Variants in LPGAT1 observed in about 807,000 individuals in gnomAD.
LPGAT1 encodes the protein lysophosphatidylglycerol acyltransferase 1, also known as acyl-CoA:lysophosphatidylglycerol acyltransferase 1.
LPGAT1 carries 11 observed loss-of-function variants against 47.5 expected under a neutral mutation model. The ratio of observed to expected loss-of-function variants is 0.23; its 90% CI spans 0.15 to 0.38. LPGAT1 has a LOEUF of 0.38. Among genes scored for constraint, LPGAT1 ranks in the 10% least tolerant of loss-of-function variants. The pLI, the probability that LPGAT1 is intolerant of heterozygous loss-of-function variation, is 1.00. For missense variants in LPGAT1, 293 were observed against 439.0 expected, an observed-to-expected ratio of 0.67 and a Z score of 2.97; for synonymous variants, 138 against 144.2, an observed-to-expected ratio of 0.96 and a Z score of 0.31.
chr1:211,826,172 C>A (rs921879858), intron 2 of LPGAT1, among the ~76,000 whole-genome samples: 1 of 152,118 alleles, frequency 6.6e-6, no homozygotes, highest in Non-Finnish European at 1.5e-5. Flanking sequence ...CATTTAAGTT[C>A]TTGGGCTTAC....
chr1:211,776,362 C>T (rs540051274), intron 6 of LPGAT1, among the ~76,000 whole-genome samples: 22 of 152,202 alleles, frequency 1.4e-4, no homozygotes, highest in African/African-American at 5.1e-4. Flanking sequence ...CATGGTGAAA[C>T]CCAGCCTCTA....
At chr1:211,811,818 T>C (rs969425922) in intron 2 of LPGAT1, among the ~76,000 whole-genome samples, 10 of 87,002 alleles carry the variant, frequency 1.1e-4, no homozygotes, top group Middle Eastern at 6.4e-3. Flanking sequence ...ATCCCGCCAC[T>C]GCACTCCAGC....
At chr1:211,780,670 T>C (rs1658604580) in intron 5 of LPGAT1, among the ~76,000 whole-genome samples, 1 of 152,168 alleles carries the variant, frequency 6.6e-6, no homozygotes, top group African/African-American at 2.4e-5. Flanking sequence ...AATAACATAT[T>C]GCTAAATCAA....
Position 211,774,839 on chromosome 1 carries a change from G to A in LPGAT1, c.854+4079C>T, listed in dbSNP as rs1393822263. Among the ~76,000 whole-genome samples, 4 of 152,156 alleles carry A rather than the reference G, an allele frequency of 2.6e-5. No individual in the cohort carries two copies. In the East Asian group the frequency reaches 5.8e-4, roughly 22 times the overall value. The stretch of plus-strand genomic sequence containing the variant: ...ATTGGAAGAAATAAACAGTTTCAGA[G>A]TATTTAAAATAAGTTATTACATTCT... On this transcript the variant is annotated intron_variant, in intron 6 of 7. Transcript: ENST00000366997.
At chr1:211,759,298 GT>G (rs145922850) in intron 6 of LPGAT1, among the ~76,000 whole-genome samples, 17,383 of 152,074 alleles carry the variant, frequency 0.11, 1,155 homozygotes, top group South Asian at 0.21. Flanking sequence ...GGGTCTTGCT[GT>G]TGTTGCCCAG....
intron 2 of LPGAT1, among the ~76,000 whole-genome samples, chr1:211,800,045 T>C (rs994459039): frequency 5.9e-5 from 9 of 151,950 alleles, no homozygotes; most frequent in African/African-American, 2.2e-4. Context: ...TTTATTATTA[T>C]TATTATTGAG....
intron 6 of LPGAT1, among the ~76,000 whole-genome samples, chr1:211,751,895 G>T (rs981759764): frequency 4.6e-5 from 7 of 151,936 alleles, no homozygotes; most frequent in African/African-American, 1.7e-4. Flanking sequence ...ACCTCTTTTA[G>T]CTGATTATCT....
chr1:211,808,627 T>C (rs1441302747), intron 2 of LPGAT1, among the ~76,000 whole-genome samples: 3 of 152,186 alleles, frequency 2.0e-5, no homozygotes, highest in Non-Finnish European at 4.4e-5. Flanking sequence ...TGATGGAATG[T>C]AAGATGGTAT....
intron 2 of LPGAT1, among the ~76,000 whole-genome samples, chr1:211,815,773 CTTTTTT>C (rs938719098): frequency 2.9e-5 from 3 of 101,846 alleles, no homozygotes; most frequent in Non-Finnish European, 6.0e-5. Flanking sequence ...AAATGCTTTT[CTTTTTT>C]TTTTTTTTTT....
At chr1:211,779,584 C>T (rs1224506121) in intron 5 of LPGAT1, among the ~76,000 whole-genome samples, 1 of 152,176 alleles carries the variant, frequency 6.6e-6, no homozygotes, top group East Asian at 1.9e-4. Context: ...GGTGCAGTAG[C>T]TCACGCCTAT....
chr1:211,774,253 G>C (rs71640032), intron 6 of LPGAT1, among the ~76,000 whole-genome samples: 1 of 142,100 alleles, frequency 7.0e-6, no homozygotes, highest in East Asian at 2.1e-4. Context: ...TCCCGTCTCA[G>C]ACTCCTGAGT....
chr1:211,823,760 A>G (rs537365642), intron 2 of LPGAT1, among the ~76,000 whole-genome samples: 7 of 152,206 alleles, frequency 4.6e-5, no homozygotes, highest in Non-Finnish European at 2.9e-5. Flanking sequence ...CAACAGCAAG[A>G]TCTCATCCCT....
At chr1:211,794,729 C>T (rs1043998193) in intron 2 of LPGAT1, among the ~76,000 whole-genome samples, 4 of 152,160 alleles carry the variant, frequency 2.6e-5, no homozygotes, top group Admixed American at 6.5e-5. Context: ...ATTCTTTACC[C>T]TAACCTTATC....
intron 6 of LPGAT1, among the ~76,000 whole-genome samples, chr1:211,758,195 A>C (rs1376763655): frequency 6.6e-6 from 1 of 152,216 alleles, no homozygotes; most frequent in Non-Finnish European, 1.5e-5. Context: ...TTTTCTAAGA[A>C]GTTTCCAGGT....
chr1:211,813,121 A>C (rs577698615), intron 2 of LPGAT1, among the ~76,000 whole-genome samples: 8 of 152,336 alleles, frequency 5.3e-5, no homozygotes, highest in African/African-American at 1.9e-4. Context: ...TTTTTAAACG[A>C]GCAAAACAAG....
intron 2 of LPGAT1, among the ~76,000 whole-genome samples, chr1:211,809,734 C>T (rs556472590): frequency 5.9e-5 from 9 of 152,304 alleles, no homozygotes; most frequent in Middle Eastern, 6.8e-3. Context: ...GCTCCTCATT[C>T]ACTTTCCACC....
At position 211,770,531 on chromosome 1, in the gene LPGAT1, G is replaced by A. The variant is rs115232507; in HGVS notation, c.854+8387C>T. 5.0e-3 allele frequency among the ~76,000 whole-genome samples: 768 copies of A among 152,268 alleles called. 11 individuals carry two copies. Among genetic ancestry groups the A allele is most frequent in the Non-Finnish European group, 4.6e-3 (316 of 68,014 alleles). ...TGTGCCACATGACATTTCAGTCAAC[G>A]ACGGACTGCATATATGACAATGGTT... On this transcript the variant is annotated intron_variant, in intron 6 of 7. Coordinates refer to ENST00000366997, the MANE Select transcript of LPGAT1 (RefSeq NM_014873.3).
At chr1:211,825,159 T>G (rs1660503959) in intron 2 of LPGAT1, among the ~76,000 whole-genome samples, 3 of 150,344 alleles carry the variant, frequency 2.0e-5, no homozygotes, top group African/African-American at 7.3e-5. Flanking sequence ...TAACAGTAAA[T>G]ATTTTTAAAG....
In LPGAT1 at chr1:211,747,310, A is replaced by G. The variant is rs921869696; in HGVS notation, c.*2589T>C. 6.6e-6 allele frequency: 1 copy of G among 152,206 alleles called. No individual in the cohort carries two copies. Among genetic ancestry groups the G allele is most frequent in the Non-Finnish European group, 1.5e-5 (1 of 68,032 alleles). 9.4% of individuals were successfully genotyped at this position (152,206 alleles called of 1,614,324 possible). ...GAGAGAGAACATGTTAAAGAATCAA[A>G]GAAGGATAGGGCAGATCAAATACAC... On this transcript the variant is annotated 3_prime_UTR_variant, in exon 8 of 8. Transcript: ENST00000366997.
Sources: gnomAD v4.1 joint callset for allele counts (sites outside exome capture counted in the v4.1 genomes callset) on GRCh38, gnomAD v4.1.1 for gene constraint, MANE v1.5 for transcripts, NCBI Gene and HGNC (gene_info 2026-07-23, HGNC 2026-07-21) for gene names.